The following PADI3 variants were observed in gnomAD, a reference collection of about 807,000 sequenced individuals.
The protein encoded by PADI3 is protein-arginine deiminase type-3.
A neutral mutation model predicts 71.5 loss-of-function variants in PADI3; 53 were observed. The ratio of observed to expected loss-of-function variants is 0.74; its 90% CI spans 0.59 to 0.93. The LOEUF (loss-of-function observed/expected upper bound fraction) is 0.93. PADI3 is among the 40% of genes least tolerant of loss of function. The probability of loss-of-function intolerance (pLI) is 0.00; values close to 1 mark genes in which losing one functional copy is unlikely to be tolerated. For synonymous variants in PADI3, 361 were observed against 347.5 expected, an observed-to-expected ratio of 1.04 and a Z score of -0.43; for missense variants, 821 against 868.0, an observed-to-expected ratio of 0.95 and a Z score of 0.68.
chr1:17,254,315 T>C (rs1024932736), intron 1 of PADI3, among the ~76,000 whole-genome samples: 2 of 151,992 alleles, frequency 1.3e-5, no homozygotes, highest in Non-Finnish European at 2.9e-5. Context: ...GGAGACCTCG[T>C]TGGTCATCTT....
At chr1:17,270,819 T>TCC (rs3215408) in intron 7 of PADI3, 60 bp from the exon 8 acceptor site, 3 of 1,164,500 alleles carry the variant, frequency 2.6e-6, no homozygotes, top group Non-Finnish European at 2.6e-6. Flanking sequence ...GGAATCAGAG[T>TCC]CCCCCCAGGC....
rs80326898 is a variant in PADI3 at position 17,277,671 on chromosome 1, C to A, written c.1555+795C>A. The stretch of plus-strand genomic sequence containing the variant: ...CCTCAGTGCAAGGCCTCCCCCATCT[C>A]TGTCACTGTCCTGAGATGCTGCAGC... On this transcript the variant is annotated intron_variant, in intron 13 of 15. Coordinates refer to ENST00000375460, the MANE Select transcript of PADI3 (RefSeq NM_016233.2). Among the ~76,000 whole-genome samples the A allele has an allele frequency of 6.5e-3, 983 of 152,362 alleles. 16 individuals are homozygous for A. The highest frequency in any genetic ancestry group is 0.023 in the African/African-American group (951 of 41,586).
chr1:17,271,147 A>G lies in PADI3; in HGVS notation c.1016A>G (p.Gln339Arg). The G allele has an allele frequency of 6.2e-7, 1 of 1,613,596 alleles. No homozygotes were observed. Among genetic ancestry groups the G allele is most frequent in the Non-Finnish European group, 8.5e-7 (1 of 1,180,012 alleles). Residue 339 changes from glutamine to arginine, a missense_variant, in exon 9 of 16, where the codon CAG becomes CGG. By Grantham distance (43) the Gln-to-Arg change is conservative. Transcript: ENST00000375460. ...KAGCKLTICP[Q>R]AENRNDRWIQ... ...GGCTGCAAGCTGACCATCTGCCCAC[A>G]GGCCGAGAACCGCAACGACCGCTGG...
intron 7 of PADI3, 134 bp from the exon 8 acceptor site, chr1:17,270,745 C>T (rs1285174723): frequency 8.7e-6 from 6 of 688,066 alleles, no homozygotes; most frequent in Non-Finnish European, 1.3e-5. Flanking sequence ...GACTTCTTGA[C>T]CACCCCTCTG....
At chr1:17,268,498 C>CTTTTTTTTTTTTTTT (rs564947321) in intron 6 of PADI3, among the ~76,000 whole-genome samples, 1 of 89,416 alleles carries the variant, frequency 1.1e-5, no homozygotes, top group African/African-American at 4.7e-5. Context: ...TAATAAGATG[C>CTTTTTTTTTTTTTTT]TTTTTTTTTT....
intron 1 of PADI3, among the ~76,000 whole-genome samples, chr1:17,257,219 C>A (rs2073039920): frequency 6.6e-6 from 1 of 152,058 alleles, no homozygotes; most frequent in Admixed American, 6.6e-5. Flanking sequence ...CCAAGTCTCT[C>A]TGTCCCTATC....
intron 1 of PADI3, 81 bp from the exon 2 acceptor site, chr1:17,259,497 A>G: frequency 7.4e-7 from 1 of 1,347,580 alleles, no homozygotes; most frequent in Non-Finnish European, 1.0e-6. Flanking sequence ...TCCTGGAGGA[A>G]GCAGGGCTTG....
chr1:17,281,547 C>T (rs1321673684), intron 15 of PADI3, among the ~76,000 whole-genome samples: 2 of 151,310 alleles, frequency 1.3e-5, no homozygotes, highest in Non-Finnish European at 2.9e-5. Flanking sequence ...AGGGTTCAAG[C>T]GATTCTCCTG....
chr1:17,254,785 T>C (rs1310688759), intron 1 of PADI3, among the ~76,000 whole-genome samples: 3 of 150,522 alleles, frequency 2.0e-5, no homozygotes, highest in African/African-American at 7.3e-5. Context: ...TGGGGCTATC[T>C]TGGCTCACTG....
In PADI3 at chr1:17,276,561, C is replaced by T; in HGVS notation, c.1350C>T (p.Leu450=). 1 of 1,614,206 alleles carries T rather than the reference C, an allele frequency of 6.2e-7. No homozygotes were observed. Among genetic ancestry groups the T allele is most frequent in the Non-Finnish European group, 8.5e-7 (1 of 1,180,046 alleles). ...TCACCCAGGTGGTGCGGGACTTCCT[C>T]CATGCCCAGAAGGTGCAGCCCCCCG... ...RRVTQVVRDF[L]HAQKVQPPVE... is the part of the protein sequence containing the mutation. Residue 450 remains leucine (L), a synonymous_variant, in exon 12 of 16, where the codon CTC becomes CTT. Coordinates refer to ENST00000375460, the MANE Select transcript of PADI3 (RefSeq NM_016233.2).
At chr1:17,262,770 T>C (rs1379866947) in intron 3 of PADI3, among the ~76,000 whole-genome samples, 3 of 151,976 alleles carry the variant, frequency 2.0e-5, no homozygotes, top group African/African-American at 7.3e-5. Context: ...GATAAGTGAA[T>C]AAAAGTTACC....
rs1316925932 is a variant in PADI3 at position 17,280,361 on chromosome 1, G to A, written c.1567G>A (p.Val523Ile). 6 of 1,613,840 alleles carry A rather than the reference G, an allele frequency of 3.7e-6. No individual in the cohort carries two copies. In the East Asian group the frequency reaches 1.3e-4, roughly 36 times the overall value. ...TCTCTCCTTCACAGATGATGAGCAG[G>A]TCAAGACCATCTCCATCAACCAGGT... ...LFQGVVDDEQ[V>I]KTISINQVLS... Residue 523 changes from valine (V) to isoleucine (I), a missense_variant, in exon 14 of 16, where the codon GTC becomes ATC. Coordinates refer to ENST00000375460, the MANE Select transcript of PADI3 (RefSeq NM_016233.2).
intron 5 of PADI3, 74 bp from the exon 6 acceptor site, chr1:17,267,763 G>A: frequency 6.4e-7 from 1 of 1,568,668 alleles, no homozygotes; most frequent in South Asian, 1.1e-5. Context: ...ACCTGGGGAG[G>A]GAGCTGGGCA....
At chr1:17,269,819 A>G (rs1342748206) in intron 6 of PADI3, among the ~76,000 whole-genome samples, 1 of 152,018 alleles carries the variant, frequency 6.6e-6, no homozygotes, top group Non-Finnish European at 1.5e-5. Flanking sequence ...GGGTTTCACT[A>G]TGTTAGCCAG....
chr1:17,259,906 C>T, intron 2 of PADI3, 148 bp downstream of exon 2: 1 of 639,636 alleles, frequency 1.6e-6, no homozygotes, highest in Non-Finnish European at 2.6e-6. Flanking sequence ...ATTTTGAATC[C>T]CAGCTCTGCA....
chr1:17,255,108 G>T (rs919748029), intron 1 of PADI3, among the ~76,000 whole-genome samples: 1 of 152,188 alleles, frequency 6.6e-6, no homozygotes, highest in South Asian at 2.1e-4. Flanking sequence ...CGGTTCCAAG[G>T]CCCCACCTGG....
intron 10 of PADI3, among the ~76,000 whole-genome samples, 200 bp downstream of exon 10, chr1:17,273,647 C>T (rs1157701124): frequency 5.3e-5 from 8 of 152,154 alleles, no homozygotes; most frequent in African/African-American, 1.4e-4. Context: ...GGTGTAAGTA[C>T]GTCCCAAATA....
intron 1 of PADI3, 65 bp downstream of exon 1, chr1:17,249,294 G>GCC: frequency 7.6e-7 from 1 of 1,314,568 alleles, no homozygotes; most frequent in Non-Finnish European, 1.1e-6. Flanking sequence ...CTTCCTCCCT[G>GCC]CAGGCTGGGC....
chr1:17,266,375 C>T (rs866765363), intron 4 of PADI3, among the ~76,000 whole-genome samples: 8 of 152,108 alleles, frequency 5.3e-5, no homozygotes, highest in African/African-American at 1.4e-4. Context: ...GGAGGGAGGA[C>T]GTTCCAGGTG....
Sources: gnomAD v4.1 joint callset for allele counts (sites outside exome capture counted in the v4.1 genomes callset) on GRCh38, gnomAD v4.1.1 for gene constraint, MANE v1.5 for transcripts, NCBI Gene and HGNC (gene_info 2026-07-23, HGNC 2026-07-21) for gene names.